Variants in UNC13C observed in about 807,000 individuals in gnomAD.
UNC13C encodes the protein protein unc-13 homolog C.
In UNC13C, 174 loss-of-function variants were observed where a neutral mutation model predicts 245.4. The ratio of observed to expected loss-of-function variants is 0.71; its 90% CI spans 0.63 to 0.80. UNC13C has a LOEUF of 0.80. Ranked by LOEUF, UNC13C falls within the 30% of genes least tolerant of loss-of-function variation. The pLI, the probability that UNC13C is intolerant of heterozygous loss-of-function variation, is 0.00. For missense variants in UNC13C, 2,829 were observed against 2,602.9 expected (o/e 1.09, Z -1.89); for synonymous variants, 992 against 895.1 (o/e 1.11, Z -1.93).
rs756548006 is a variant in UNC13C, at chr15:54,381,394, CT to C, written c.4714-11646del. Among the ~76,000 whole-genome samples, 180 of 151,108 alleles carry C rather than the reference CT, an allele frequency of 1.2e-3. 1 individual carries two copies. Among genetic ancestry groups the C allele is most frequent in the African/African-American group, 4.2e-3 (173 of 40,780 alleles). ...AAGTCAGGTAGTGTGATGCCTCCAGCTTTTTTTTCTTTTTTTACACAAAATT... is the reference window on the plus strand; with the variant it reads ...AAGTCAGGTAGTGTGATGCCTCCAGCTTTTTTTCTTTTTTTACACAAAATT... On this transcript the variant is annotated intron_variant, in intron 17 of 32. Transcript: ENST00000260323.
At position 54,578,726 on chromosome 15, in the gene UNC13C, C is replaced by T. The variant is rs1301508726; in HGVS notation, c.6106+10779C>T. ...GACAGAGGGCCAGCACCATGGCTCA[C>T]GCCTGTAATCCTAACACTTTGGGAG... On this transcript the variant is annotated intron_variant, in intron 30 of 32. Coordinates refer to ENST00000260323, the MANE Select transcript of UNC13C (RefSeq NM_001080534.3). Among the ~76,000 whole-genome samples the T allele has an allele frequency of 3.3e-5, 5 of 152,316 alleles. No individual in the cohort carries two copies. The South Asian group carries it at 8.3e-4, about 25-fold the overall frequency.
chr15:54,322,253 T>G (rs2038183171), intron 14 of UNC13C, among the ~76,000 whole-genome samples, 158 bp downstream of exon 14: 1 of 152,064 alleles, frequency 6.6e-6, no homozygotes, highest in South Asian at 2.1e-4. Context: ...TGAAACATTT[T>G]TAGTAAATTA....
intron 19 of UNC13C, among the ~76,000 whole-genome samples, chr15:54,426,611 G>T (rs1567262344): frequency 6.6e-6 from 1 of 151,650 alleles, no homozygotes; most frequent in Non-Finnish European, 1.5e-5. Context: ...ATGTTTAAGG[G>T]AAGGGGACTA....
intron 13 of UNC13C, among the ~76,000 whole-genome samples, chr15:54,318,414 C>A (rs1285019392): frequency 1.3e-5 from 2 of 151,856 alleles, no homozygotes; most frequent in Non-Finnish European, 2.9e-5. Flanking sequence ...TGGGTAATAG[C>A]CATTCTAATA....
the UNC13C span, among the ~76,000 whole-genome samples, chr15:53,858,582 A>G: frequency 1.3e-5 from 2 of 151,754 alleles, no homozygotes; most frequent in Admixed American, 1.3e-4. Context: ...CACCGCATGC[A>G]GCTAATTTTT....
chr15:53,969,045 T>A, the UNC13C span, among the ~76,000 whole-genome samples: 2 of 152,306 alleles, frequency 1.3e-5, no homozygotes, highest in Admixed American at 1.3e-4. Context: ...TGCACCTCTG[T>A]TTTATAGGAT....
Position 54,507,159 on chromosome 15 carries a change from A to T in UNC13C, c.5344A>T (p.Ser1782Cys). The change falls in exon 23 of 33, where the codon AGT (serine) becomes TGT (cysteine). Residue 1782 changes from serine (S) to cysteine (C), a missense_variant. Transcript: ENST00000260323. ...GCTCCAGTATGCTGCAATTGTATCA[A>T]GTGATTTCAGTTCACATTGTGATAA... ...VLLQYAAIVS[S>C]DFSSHCDKEN... 6.3e-7 allele frequency: 1 copy of T among 1,598,982 alleles called. No homozygotes were observed. Among genetic ancestry groups the T allele is most frequent in the South Asian group, 1.1e-5 (1 of 88,460 alleles).
intron 1 of UNC13C, among the ~76,000 whole-genome samples, chr15:53,997,862 G>C (rs1477494560): frequency 6.6e-6 from 1 of 151,712 alleles, no homozygotes; most frequent in Non-Finnish European, 1.5e-5. Context: ...CAGTGAAGTG[G>C]CACAATCTTG....
At chr15:53,879,148 A>AATTC in the UNC13C span, among the ~76,000 whole-genome samples, 8 of 152,174 alleles carry the variant, frequency 5.3e-5, no homozygotes, top group African/African-American at 1.7e-4. Context: ...GTTCGATATT[A>AATTC]ATTCATTCAT....
the UNC13C span, among the ~76,000 whole-genome samples, chr15:53,853,296 T>G: frequency 1.3e-5 from 2 of 152,178 alleles, no homozygotes; most frequent in African/African-American, 4.8e-5. Context: ...GTTCCTGCAT[T>G]AGTTTGCACC....
the UNC13C span, among the ~76,000 whole-genome samples, chr15:53,926,820 G>A: frequency 2.6e-5 from 4 of 152,152 alleles, no homozygotes; most frequent in Non-Finnish European, 5.9e-5. Context: ...CAGAGAGAAG[G>A]GCATGGGGGA....
rs1287433256 is a variant in UNC13C at position 54,627,515 on chromosome 15, A to AT, written c.*403dup. 1 of 157,170 alleles carries AT rather than the reference A, an allele frequency of 6.4e-6. No individual in the cohort carries two copies. The highest frequency in any genetic ancestry group is 1.4e-5 in the Non-Finnish European group (1 of 70,834). 9.7% of individuals were successfully genotyped at this position (157,170 alleles called of 1,614,324 possible). ...TTCCATTTTATTTACTTACCTCATTATAGATGTCTTACAAATACCCTTTTC... is the reference window on the plus strand; with the variant it reads ...TTCCATTTTATTTACTTACCTCATTATTAGATGTCTTACAAATACCCTTTTC... On this transcript the variant is annotated 3_prime_UTR_variant, in exon 33 of 33. Transcript: ENST00000260323.
At chr15:54,561,768 C>A (rs1345170483) in intron 29 of UNC13C, among the ~76,000 whole-genome samples, 1 of 151,858 alleles carries the variant, frequency 6.6e-6, no homozygotes, top group African/African-American at 2.4e-5. Flanking sequence ...TAAGGAAATG[C>A]ACAAATTAGA....
intron 18 of UNC13C, among the ~76,000 whole-genome samples, chr15:54,394,166 A>G (rs1291419422): frequency 6.6e-6 from 1 of 151,910 alleles, no homozygotes; most frequent in Non-Finnish European, 1.5e-5. Flanking sequence ...TTCCAGTTAA[A>G]GAAGAAATAC....
chr15:53,900,097 C>T, the UNC13C span, among the ~76,000 whole-genome samples: 2 of 151,942 alleles, frequency 1.3e-5, no homozygotes, highest in Non-Finnish European at 2.9e-5. Flanking sequence ...ATTAAAATAC[C>T]CCCTCGATCT....
intron 19 of UNC13C, among the ~76,000 whole-genome samples, chr15:54,464,458 ATAAT>A (rs1447148687): frequency 6.6e-6 from 1 of 152,122 alleles, no homozygotes; most frequent in Non-Finnish European, 1.5e-5. Flanking sequence ...AATAAACATT[ATAAT>A]TATTTATTAG....
chr15:54,362,766 C>T (rs931726324), intron 17 of UNC13C, among the ~76,000 whole-genome samples: 3 of 151,794 alleles, frequency 2.0e-5, no homozygotes, highest in African/African-American at 4.8e-5. Context: ...ATGACTCAGA[C>T]AAATAAAGGG....
At chr15:54,125,404 G>A (rs1001579931) in intron 2 of UNC13C, among the ~76,000 whole-genome samples, 3 of 152,026 alleles carry the variant, frequency 2.0e-5, no homozygotes, top group Non-Finnish European at 2.9e-5. Context: ...CGGAGGTTGC[G>A]GTGAACTGAG....
intron 11 of UNC13C, among the ~76,000 whole-genome samples, chr15:54,295,417 G>A (rs754527352): frequency 6.6e-6 from 1 of 152,112 alleles, no homozygotes; most frequent in Non-Finnish European, 1.5e-5. Flanking sequence ...GGGAGGTGGA[G>A]GAGGGAGGAT....
Sources: gnomAD v4.1 joint callset for allele counts (sites outside exome capture counted in the v4.1 genomes callset) on GRCh38, gnomAD v4.1.1 for gene constraint, MANE v1.5 for transcripts, NCBI Gene and HGNC (gene_info 2026-07-23, HGNC 2026-07-21) for gene names.